The following FYB1 variants were observed in gnomAD, a reference collection of about 807,000 sequenced individuals.
The protein encoded by FYB1 is FYN binding protein 1, also known as FYN-binding protein 1.
Under a neutral mutation model 94.1 loss-of-function variants are expected in FYB1, and 41 were observed. That is an observed-to-expected ratio of 0.44 (90% confidence interval 0.34 to 0.57). FYB1 has a LOEUF of 0.57. Ranked by LOEUF, FYB1 falls within the 20% of genes least tolerant of loss-of-function variation. The pLI, the probability that FYB1 is intolerant of heterozygous loss-of-function variation, is 0.02. For missense variants in FYB1, 1,050 were observed against 976.8 expected (o/e 1.07, Z -1.00); for synonymous variants, 367 against 353.2 (o/e 1.04, Z -0.44).
In FYB1 at chr5:39,202,119, T is replaced by A. The variant is rs763689248; in HGVS notation, c.842A>T (p.Glu281Val). 6.2e-7 allele frequency: 1 copy of A among 1,614,044 alleles called. No homozygotes were observed. The highest frequency in any genetic ancestry group is 8.5e-7 in the Non-Finnish European group (1 of 1,179,896). Reference sequence around the variant, plus strand: ...ATCTATCTTCCTATCTTCCTTTTTTTCTTCACCATTTTTGGAGAGACCTGG... The same window carrying A: ...ATCTATCTTCCTATCTTCCTTTTTTACTTCACCATTTTTGGAGAGACCTGG... Reference protein sequence around the residue: ...GGPGLSKNGEEKKEDRKIDAA... With the variant: ...GGPGLSKNGEVKKEDRKIDAA... Residue 281 changes from glutamate to valine, a missense_variant, in exon 2 of 19, where the codon GAA (glutamate) becomes GTA (valine). By Grantham distance (121) the Glu-to-Val change is moderately radical (BLOSUM62 -2). Transcript: ENST00000512982.
chr5:39,131,540 C>A (rs114866509), intron 9 of FYB1, among the ~76,000 whole-genome samples: 14 of 152,236 alleles, frequency 9.2e-5, no homozygotes, highest in Non-Finnish European at 1.5e-4. Context: ...ATGCAGATCT[C>A]CTGTTAAATT....
intron 1 of FYB1, among the ~76,000 whole-genome samples, chr5:39,246,281 C>A (rs1751475158): frequency 6.6e-6 from 1 of 152,086 alleles, no homozygotes; most frequent in Non-Finnish European, 1.5e-5. Flanking sequence ...TCCACTAACC[C>A]ATAAAATTGT....
intron 2 of FYB1, among the ~76,000 whole-genome samples, chr5:39,165,317 G>C (rs1744620336): frequency 6.6e-6 from 1 of 152,146 alleles, no homozygotes; most frequent in Admixed American, 6.5e-5. Context: ...ATGGAATAGA[G>C]AGCCCAGAAA....
chr5:39,232,308 T>A (rs1458327238), intron 1 of FYB1, among the ~76,000 whole-genome samples: 1 of 151,958 alleles, frequency 6.6e-6, no homozygotes, highest in African/African-American at 2.4e-5. Context: ...GAAATATAAG[T>A]CACATGAAAC....
At chr5:39,170,204 A>C (rs975854943) in intron 2 of FYB1, 2 of 825,748 alleles carry the variant, frequency 2.4e-6, no homozygotes, top group Admixed American at 3.8e-5. Context: ...AGTTCAGTAT[A>C]GTCAGTATTT....
At chr5:39,206,916 C>T (rs1379350364) in intron 1 of FYB1, among the ~76,000 whole-genome samples, 1 of 152,144 alleles carries the variant, frequency 6.6e-6, no homozygotes, top group African/African-American at 2.4e-5. Context: ...TAGATATACA[C>T]CAGTACAGGT....
intron 2 of FYB1, among the ~76,000 whole-genome samples, chr5:39,189,954 A>G (rs1747210756): frequency 6.6e-6 from 1 of 152,376 alleles, no homozygotes; most frequent in South Asian, 2.1e-4. Context: ...GGAAGCTAGA[A>G]GTGACCTTGA....
intron 1 of FYB1, among the ~76,000 whole-genome samples, chr5:39,254,020 G>A (rs1751837249): frequency 6.6e-6 from 1 of 152,168 alleles, no homozygotes; most frequent in African/African-American, 2.4e-5. Context: ...ATGAGGACAT[G>A]ATCTCATTAT....
rs775410193 is a variant in FYB1, at chr5:39,124,233, A to C, written c.2071+20T>G. On this transcript the variant is annotated intron_variant, in intron 13 of 18. Coordinates refer to ENST00000512982, the MANE Select transcript of FYB1 (RefSeq NM_001465.6). ...CAAGAAATGAAGATACAGAACATAC[A>C]ATCAGTTTTTATTACTTACCCAATT... 2.0e-6 allele frequency: 3 copies of C among 1,527,186 alleles called. No individual in the cohort carries two copies. The African/African-American group carries it at 4.2e-5, about 21-fold the overall frequency. The allele number at this position is 1,527,186 out of a possible 1,614,324, so 94.6% of individuals were successfully genotyped here.
intron 9 of FYB1, among the ~76,000 whole-genome samples, chr5:39,132,400 T>C (rs1741280152): frequency 6.6e-6 from 1 of 152,194 alleles, no homozygotes; most frequent in African/African-American, 2.4e-5. Flanking sequence ...TAGAAATGTC[T>C]TCTTCTTTAA....
chr5:39,166,313 G>C (rs1336443482), intron 2 of FYB1, among the ~76,000 whole-genome samples: 1 of 152,014 alleles, frequency 6.6e-6, no homozygotes, highest in Non-Finnish European at 1.5e-5. Flanking sequence ...GCAGGTGCCT[G>C]TAATCTCAGC....
intron 3 of FYB1, among the ~76,000 whole-genome samples, chr5:39,152,029 G>A (rs1278620753): frequency 6.6e-5 from 10 of 152,050 alleles, no homozygotes; most frequent in East Asian, 3.9e-4. Context: ...AGATTTCTTC[G>A]TTGTGGAATT....
At chr5:39,245,346 C>T (rs916858647) in intron 1 of FYB1, among the ~76,000 whole-genome samples, 6 of 152,104 alleles carry the variant, frequency 3.9e-5, no homozygotes, top group Admixed American at 3.9e-4. Flanking sequence ...CTTTTGCAGT[C>T]TGAGGTGGAA....
upstream of FYB1, among the ~76,000 whole-genome samples, chr5:39,221,642 A>G (rs1358212290): frequency 6.6e-6 from 1 of 152,182 alleles, no homozygotes; most frequent in Non-Finnish European, 1.5e-5. Context: ...GCCTAACTGG[A>G]ATTTGGGATT....
At chr5:39,126,644 T>C (rs1384737643) in intron 11 of FYB1, among the ~76,000 whole-genome samples, 3 of 136,110 alleles carry the variant, frequency 2.2e-5, no homozygotes, top group Non-Finnish European at 4.5e-5. Flanking sequence ...TGCAGTGAGC[T>C]ATGATCCTAC....
chr5:39,165,675 G>T (rs539851640), intron 2 of FYB1, among the ~76,000 whole-genome samples: 1 of 152,282 alleles, frequency 6.6e-6, no homozygotes, highest in East Asian at 1.9e-4. Context: ...GTCAGTAAAA[G>T]AAATAATCAA....
chr5:39,186,623 T>G (rs1421011256), intron 2 of FYB1, among the ~76,000 whole-genome samples: 6 of 140,872 alleles, frequency 4.3e-5, no homozygotes, highest in African/African-American at 1.5e-4. Flanking sequence ...ATTTAACACC[T>G]GCAACAATTG....
intron 1 of FYB1, chr5:39,270,850 T>C: frequency 2.5e-6 from 1 of 398,308 alleles, no homozygotes; most frequent in Non-Finnish European, 4.5e-6. Flanking sequence ...ACACAAAATT[T>C]TTTAGAAGTA....
chr5:39,122,916 A>G (rs961452037), intron 13 of FYB1, among the ~76,000 whole-genome samples: 1 of 152,146 alleles, frequency 6.6e-6, no homozygotes, highest in African/African-American at 2.4e-5. Flanking sequence ...TAGGAGTGGC[A>G]CCACCTTTAA....
Sources: gnomAD v4.1 joint callset for allele counts (sites outside exome capture counted in the v4.1 genomes callset) on GRCh38, gnomAD v4.1.1 for gene constraint, MANE v1.5 for transcripts, NCBI Gene and HGNC (gene_info 2026-07-23, HGNC 2026-07-21) for gene names.